DPP10: variants seen among roughly 807,000 people sequenced by gnomAD.
The protein encoded by DPP10 is inactive dipeptidyl peptidase 10.
A neutral mutation model predicts 120.9 loss-of-function variants in DPP10; 33 were observed. The observed-to-expected ratio is 0.27, with a 90% CI of 0.21 to 0.37. The LOEUF (loss-of-function observed/expected upper bound fraction) is 0.37, where lower values mean the gene tolerates loss of function less well. Among genes scored for constraint, DPP10 ranks in the 10% least tolerant of loss-of-function variants. The pLI is 1.00. For synonymous variants in DPP10, 337 were observed against 326.1 expected, an observed-to-expected ratio of 1.03 and a Z score of -0.36; for missense variants, 816 against 942.8, an observed-to-expected ratio of 0.87 and a Z score of 1.76.
intron 1 of DPP10, among the ~76,000 whole-genome samples, chr2:115,193,683 G>C (rs9653427): frequency 0.011 from 1,707 of 152,224 alleles, 31 homozygotes; most frequent in African/African-American, 0.039. Flanking sequence ...GTTCCTTCCT[G>C]GTTCTCTAAG....
At chr2:115,380,433 A>C (rs1252736433) in intron 3 of DPP10, among the ~76,000 whole-genome samples, 2 of 151,810 alleles carry the variant, frequency 1.3e-5, no homozygotes. Flanking sequence ...TTTGGTTTTG[A>C]GCCTATGTGT....
intron 2 of DPP10, among the ~76,000 whole-genome samples, chr2:115,341,409 C>T (rs894709603): frequency 6.6e-6 from 1 of 152,140 alleles, no homozygotes; most frequent in Non-Finnish European, 1.5e-5. Context: ...TTATCAACAT[C>T]CCGCACCAGA....
rs569188726 is a variant in DPP10, at chr2:115,030,663, A to G, written c.61-278576A>G. Among the ~76,000 whole-genome samples the G allele has an allele frequency of 3.7e-4, 57 of 152,106 alleles. 1 individual carries two copies. Among genetic ancestry groups the G allele is most frequent in the African/African-American group, 1.1e-3 (46 of 41,498 alleles). On this transcript the variant is annotated intron_variant, in intron 1 of 25. Coordinates refer to ENST00000410059, the MANE Select transcript of DPP10 (RefSeq NM_020868.6). ...ACTCCTCACCTTCAAACAGGCCCCA[A>G]TGTGTGTTGTTCCCCACCATGTGTC...
At chr2:114,466,787 T>C (rs1679418341) in intron 1 of DPP10, among the ~76,000 whole-genome samples, 1 of 152,186 alleles carries the variant, frequency 6.6e-6, no homozygotes. Flanking sequence ...CTCATGCCTG[T>C]AATCCCAGCA....
chr2:114,840,482 G>A (rs533037502), intron 1 of DPP10, among the ~76,000 whole-genome samples: 3 of 152,024 alleles, frequency 2.0e-5, no homozygotes, highest in African/African-American at 4.8e-5. Flanking sequence ...CCTCTCCTGC[G>A]AACTAAAAAG....
intron 1 of DPP10, among the ~76,000 whole-genome samples, chr2:114,954,211 G>A (rs374376336): frequency 2.6e-5 from 4 of 151,376 alleles, no homozygotes; most frequent in African/African-American, 9.7e-5. Flanking sequence ...CTCCTGAGTA[G>A]CTGGGACTAC....
rs534692860 is a variant in DPP10, at chr2:114,635,548, G to A, written c.60+192710G>A. 2.0e-5 allele frequency among the ~76,000 whole-genome samples: 3 copies of A among 152,034 alleles called. No homozygotes were observed. In the East Asian group the frequency reaches 5.8e-4, roughly 29 times the overall value. ...TAGTGACCGCTTTTCTGAAGACAAA[G>A]ATTATTCAATCGTTTTTTTCTGACA... On this transcript the variant is annotated intron_variant, in intron 1 of 25. Transcript: ENST00000410059.
At chr2:115,308,923 C>G (rs1398207215) in intron 1 of DPP10, among the ~76,000 whole-genome samples, 2 of 152,032 alleles carry the variant, frequency 1.3e-5, no homozygotes, top group Non-Finnish European at 2.9e-5. Flanking sequence ...TGGACTCGCT[C>G]TATTTCAATA....
chr2:114,911,357 G>A (rs1290636341), intron 1 of DPP10, among the ~76,000 whole-genome samples: 1 of 152,086 alleles, frequency 6.6e-6, no homozygotes, highest in Admixed American at 6.5e-5. Flanking sequence ...TTCTTCCATA[G>A]AAATTTATTA....
At chr2:114,643,618 A>G (rs1226865931) in intron 1 of DPP10, among the ~76,000 whole-genome samples, 1 of 151,638 alleles carries the variant, frequency 6.6e-6, no homozygotes, top group African/African-American at 2.4e-5. Context: ...CTCTTCATTT[A>G]TTTGTGATTT....
chr2:115,083,916 T>C (rs1025305984), intron 1 of DPP10, among the ~76,000 whole-genome samples: 1 of 152,210 alleles, frequency 6.6e-6, no homozygotes, highest in Non-Finnish European at 1.5e-5. Flanking sequence ...GGCAGGGATA[T>C]ATTTTAATCA....
At chr2:115,834,279 G>C (rs930434328) in intron 21 of DPP10, among the ~76,000 whole-genome samples, 2 of 152,080 alleles carry the variant, frequency 1.3e-5, no homozygotes, top group Non-Finnish European at 1.5e-5. Flanking sequence ...CAAGAGTTTA[G>C]TGACAATGAC....
intron 1 of DPP10, among the ~76,000 whole-genome samples, chr2:115,055,047 C>T (rs548528332): frequency 6.6e-6 from 1 of 152,082 alleles, no homozygotes; most frequent in South Asian, 2.1e-4. Flanking sequence ...TTTGAATTGC[C>T]CACTCTGCTT....
At chr2:114,862,437 A>G (rs1381584588) in intron 1 of DPP10, among the ~76,000 whole-genome samples, 3 of 152,168 alleles carry the variant, frequency 2.0e-5, no homozygotes, top group Non-Finnish European at 4.4e-5. Context: ...AGTGGAAAAA[A>G]AAACCCTCCA....
intron 1 of DPP10, among the ~76,000 whole-genome samples, chr2:114,604,888 G>T (rs1692662060): frequency 6.6e-6 from 1 of 152,072 alleles, no homozygotes; most frequent in Admixed American, 6.6e-5. Flanking sequence ...TTAGGACTAT[G>T]ATTGGGTAGT....
In DPP10 at chr2:115,334,230, G is replaced by GTTTTTTTTTTTTGTT. The variant is rs1553554649; in HGVS notation, c.176-9575_176-9574insGTTTTTTTTTTTTTT. Reference sequence around the variant, plus strand: ...TCAGGAATGGACCAGAGCAGACTCTGTTTTTTTTTTTTTTTTAAGAAACCT... The same window carrying GTTTTTTTTTTTTGTT: ...TCAGGAATGGACCAGAGCAGACTCTGTTTTTTTTTTTTGTTTTTTTTTTTTTTTTTTAAGAAACCT... On this transcript the variant is annotated intron_variant, in intron 2 of 25. Transcript: ENST00000410059. Among the ~76,000 whole-genome samples the GTTTTTTTTTTTTGTT allele has an allele frequency of 5.3e-5, 3 of 56,412 alleles. 1 individual carries two copies. In the East Asian group the frequency reaches 1.7e-3, roughly 31 times the overall value. The allele number at this position is 56,412 out of a possible 152,430, so 37.0% of individuals were successfully genotyped here. A position where few individuals can be genotyped will look rare whatever the true frequency, so the allele number is the denominator to read the frequency against.
At chr2:114,722,775 C>CAAAAAAAAA in intron 1 of DPP10, among the ~76,000 whole-genome samples, 1 of 55,862 alleles carries the variant, frequency 1.8e-5, no homozygotes, top group Non-Finnish European at 3.1e-5. Flanking sequence ...GGCTCTGTCT[C>CAAAAAAAAA]AAAAAAAAAA....
chr2:115,435,223 T>C lies in DPP10; in HGVS notation c.272-64287T>C, dbSNP rs140186325. On this transcript the variant is annotated intron_variant, in intron 3 of 25. Transcript: ENST00000410059. ...CCAGCAGCGAGATTGAATAATATGG[T>C]AGTTTTATTTTTAGTTTTCTGGGGA... Among the ~76,000 whole-genome samples the C allele has an allele frequency of 2.4e-4, 36 of 151,902 alleles. No homozygotes were observed. The East Asian group carries it at 6.6e-3, about 28-fold the overall frequency.
intron 3 of DPP10, among the ~76,000 whole-genome samples, chr2:115,357,989 G>A (rs1056038141): frequency 1.3e-5 from 2 of 152,006 alleles, no homozygotes; most frequent in African/African-American, 4.8e-5. Flanking sequence ...CCTTGGACCC[G>A]ACCCAGGAAA....
Sources: allele counts gnomAD v4.1 joint callset (sites outside exome capture counted in the v4.1 genomes callset), GRCh38; gene constraint gnomAD v4.1.1; transcripts MANE v1.5; gene names NCBI Gene and HGNC (gene_info 2026-07-23, HGNC 2026-07-21).